Variants in NF2 observed in about 807,000 individuals in gnomAD.
The protein encoded by NF2 is merlin.
In NF2, 8 loss-of-function variants were observed where a neutral mutation model predicts 83.7. The ratio of observed to expected loss-of-function variants is 0.10; its 90% confidence interval spans 0.06 to 0.17. NF2 has a LOEUF of 0.17. Ranked by LOEUF, NF2 falls within the 10% of genes least tolerant of loss-of-function variation. NF2 has a pLI of 1.00. For synonymous variants in NF2, 266 were observed against 269.6 expected, an observed-to-expected ratio of 0.99 and a Z score of 0.13; for missense variants, 533 against 744.4, an observed-to-expected ratio of 0.72 and a Z score of 3.31.
rs2064709300 is a variant in NF2, at chr22:29,603,931, C to T, written c.-68C>T. 1.6e-6 allele frequency: 2 copies of T among 1,290,252 alleles called. No homozygotes were observed. The highest frequency in any genetic ancestry group is 1.5e-5 in the African/African-American group (1 of 67,920). The allele number at this position is 1,290,252 out of a possible 1,614,324, so 79.9% of individuals were successfully genotyped here. A position where few individuals can be genotyped will look rare whatever the true frequency, so the allele number is the denominator to read the frequency against. Reference sequence around the variant, plus strand: ...TGGCCCTGAGGCCTGTGCAGCAACTCCAGGGGGGCTAAAGGGCTCAGAGTG... The same window carrying T: ...TGGCCCTGAGGCCTGTGCAGCAACTTCAGGGGGGCTAAAGGGCTCAGAGTG... On this transcript the variant is annotated 5_prime_UTR_variant, in exon 1 of 16. Coordinates refer to ENST00000338641, the MANE Select transcript of NF2 (RefSeq NM_000268.4).
At position 29,671,257 on chromosome 22, in the gene NF2, G is replaced by A. The variant is rs151215872; in HGVS notation, c.1000-569G>A. Among the ~76,000 whole-genome samples the A allele has an allele frequency of 7.3e-3, 1,118 of 152,234 alleles. 10 individuals are homozygous for A. The highest frequency in any genetic ancestry group is 0.02 in the South Asian group (97 of 4,826). On this transcript the variant is annotated intron_variant, in intron 10 of 15. Coordinates refer to ENST00000338641, the MANE Select transcript of NF2 (RefSeq NM_000268.4). Reference sequence around the variant, plus strand: ...ATAAGAATGCCTCCTTCTGCCAGGCGCGGCGGCTCATGCCTGTAATCCCAG... The same window carrying A: ...ATAAGAATGCCTCCTTCTGCCAGGCACGGCGGCTCATGCCTGTAATCCCAG...
chr22:29,654,624 C>G (rs1256935815), intron 4 of NF2, 33 bp from the exon 5 acceptor site: 1 of 1,593,392 alleles, frequency 6.3e-7, no homozygotes, highest in East Asian at 2.2e-5. Context: ...TCTTTAGAAT[C>G]TCAATCGCCT....
intron 4 of NF2, among the ~76,000 whole-genome samples, chr22:29,642,751 C>CTT (rs2065846738): frequency 6.6e-6 from 1 of 151,952 alleles, no homozygotes; most frequent in Non-Finnish European, 1.5e-5. Flanking sequence ...TCAGAAAGGC[C>CTT]CAGGTCCTCA....
chr22:29,658,665 C>A (rs2066389398), intron 7 of NF2, among the ~76,000 whole-genome samples: 1 of 120,986 alleles, frequency 8.3e-6, no homozygotes, highest in South Asian at 3.0e-4. Flanking sequence ...TAGAGTAGAT[C>A]TGCCTTTATA....
At chr22:29,688,460 A>T (rs1277605536) in intron 15 of NF2, among the ~76,000 whole-genome samples, 1 of 152,224 alleles carries the variant, frequency 6.6e-6, no homozygotes, top group Non-Finnish European at 1.5e-5. Context: ...TTTTAAAATG[A>T]CATCAGTCTA....
At chr22:29,652,107 A>G (rs2066165668) in intron 4 of NF2, among the ~76,000 whole-genome samples, 1 of 152,036 alleles carries the variant, frequency 6.6e-6, no homozygotes, top group Non-Finnish European at 1.5e-5. Context: ...CCCTCACTCT[A>G]CAGATGAGGA....
At chr22:29,671,535 CA>C (rs969481603) in intron 10 of NF2, among the ~76,000 whole-genome samples, 9 of 150,022 alleles carry the variant, frequency 6.0e-5, no homozygotes, top group African/African-American at 2.2e-4. Context: ...TCCCCTCCAC[CA>C]AAAAAAAAGA....
intron 1 of NF2, among the ~76,000 whole-genome samples, chr22:29,620,556 TG>T (rs1601548442): frequency 7.1e-6 from 1 of 141,036 alleles, no homozygotes; most frequent in East Asian, 2.2e-4. Flanking sequence ...CTGGCCAACA[TG>T]GGAAAAACTC....
chr22:29,612,859 G>T (rs541606740), intron 1 of NF2, among the ~76,000 whole-genome samples: 2 of 152,016 alleles, frequency 1.3e-5, no homozygotes, highest in East Asian at 3.9e-4. Context: ...ACTTTGGGAG[G>T]CCGAGGCAGG....
intron 1 of NF2, among the ~76,000 whole-genome samples, chr22:29,607,922 C>T (rs2064840841): frequency 6.6e-6 from 1 of 151,964 alleles, no homozygotes; most frequent in South Asian, 2.1e-4. Flanking sequence ...CCTGTAATCC[C>T]AGCACTTTGG....
At chr22:29,632,740 A>G (rs778808826) in intron 1 of NF2, among the ~76,000 whole-genome samples, 31 of 152,132 alleles carry the variant, frequency 2.0e-4, no homozygotes, top group Non-Finnish European at 3.5e-4. Flanking sequence ...GTGGACAGCC[A>G]TTGTTTGCCA....
At chr22:29,690,298 T>C (rs2067371535) in intron 15 of NF2, among the ~76,000 whole-genome samples, 1 of 152,184 alleles carries the variant, frequency 6.6e-6, no homozygotes, top group Non-Finnish European at 1.5e-5. Context: ...CAGATGTGTC[T>C]CCTGAATCTG....
intron 1 of NF2, among the ~76,000 whole-genome samples, chr22:29,611,997 T>C (rs1232863509): frequency 1.3e-5 from 2 of 152,168 alleles, no homozygotes; most frequent in African/African-American, 4.8e-5. Context: ...AAAACATTTT[T>C]GGTTTTGTTT....
intron 15 of NF2, among the ~76,000 whole-genome samples, chr22:29,691,114 T>C (rs188186760): frequency 6.6e-6 from 1 of 152,352 alleles, no homozygotes; most frequent in Non-Finnish European, 1.5e-5. Context: ...CATTACCTGC[T>C]GAAATTTGGA....
chr22:29,649,723 A>G (rs965193477), intron 4 of NF2, among the ~76,000 whole-genome samples: 3 of 151,834 alleles, frequency 2.0e-5, no homozygotes, highest in African/African-American at 7.3e-5. Context: ...GCCTGGGGTG[A>G]CAGAGTGAGA....
chr22:29,683,896 A>T (rs2047888055), intron 15 of NF2: 1 of 1,044,590 alleles, frequency 9.6e-7, no homozygotes, highest in African/African-American at 1.7e-5. Context: ...GCCCAATAAT[A>T]AAATGACATC....
rs1250514042 is a variant in NF2 at position 29,695,099 on chromosome 22, GGT to G, written c.*308_*309del. 119 of 526,418 alleles carry G rather than the reference GGT, an allele frequency of 2.3e-4. No homozygotes were observed. Among genetic ancestry groups the G allele is most frequent in the Non-Finnish European group, 2.8e-4 (81 of 290,244 alleles). The allele number at this position is 526,418 out of a possible 1,614,324, so 32.6% of individuals were successfully genotyped here. A position where few individuals can be genotyped will look rare whatever the true frequency, so the allele number is the denominator to read the frequency against. ...CCTGACTCCCTTCGTCCAAGGCACC[GGT>G]GTGTGTGTGTCTTGCACTCCAGAGC... On this transcript the variant is annotated 3_prime_UTR_variant, in exon 16 of 16. Coordinates refer to ENST00000338641, the MANE Select transcript of NF2 (RefSeq NM_000268.4). The surrounding 1 kb of genome is among the most constrained non-coding windows in gnomAD (Gnocchi z 5.4).
intron 10 of NF2, among the ~76,000 whole-genome samples, chr22:29,669,869 T>A (rs1369392210): frequency 2.0e-5 from 3 of 152,206 alleles, no homozygotes; most frequent in Non-Finnish European, 4.4e-5. Context: ...ACCTTCTCCA[T>A]CTCAGATGAA....
chr22:29,612,486 CTTTT>C (rs574380322), intron 1 of NF2, among the ~76,000 whole-genome samples: 22 of 148,842 alleles, frequency 1.5e-4, no homozygotes, highest in African/African-American at 1.7e-4. Flanking sequence ...TCATCCCTAG[CTTTT>C]TTTTTTTGTT....
Sources: gnomAD v4.1 joint callset for allele counts (sites outside exome capture counted in the v4.1 genomes callset) on GRCh38, gnomAD v4.1.1 for gene constraint, Gnocchi (gnomAD v3.1) non-coding constraint, MANE v1.5 for transcripts, NCBI Gene and HGNC (gene_info 2026-07-23, HGNC 2026-07-21) for gene names.